The following SLC9A9 variants were observed in gnomAD, a reference collection of about 807,000 sequenced individuals.
SLC9A9 encodes the protein sodium/hydrogen exchanger 9.
SLC9A9 carries 62 observed loss-of-function variants against 77.8 expected under a neutral mutation model. The observed-to-expected ratio is 0.80, with a 90% CI of 0.65 to 0.98. SLC9A9 has a LOEUF of 0.98. Ranked by LOEUF, SLC9A9 falls within the 50% of genes least tolerant of loss-of-function variation. The pLI is 0.00. For missense variants in SLC9A9, 775 were observed against 774.9 expected, an observed-to-expected ratio of 1.00 and a Z score of 0.00; for synonymous variants, 320 against 283.5, an observed-to-expected ratio of 1.13 and a Z score of -1.29.
intron 1 of SLC9A9, among the ~76,000 whole-genome samples, chr3:143,832,648 C>A (rs1437843864): frequency 6.6e-6 from 1 of 152,026 alleles, no homozygotes; most frequent in Non-Finnish European, 1.5e-5. Flanking sequence ...TTATGTCACA[C>A]CCCATGGTTG....
chr3:143,575,531 CT>C (rs2037343366), intron 7 of SLC9A9, among the ~76,000 whole-genome samples: 2 of 152,044 alleles, frequency 1.3e-5, no homozygotes, highest in Non-Finnish European at 1.5e-5. Context: ...GGTAAAACAT[CT>C]TTTTGGGAAA....
intron 4 of SLC9A9, among the ~76,000 whole-genome samples, chr3:143,736,418 A>C (rs1274819379): frequency 3.9e-5 from 6 of 152,230 alleles, no homozygotes; most frequent in Admixed American, 1.3e-4. Flanking sequence ...TCGGCTACAT[A>C]GCAGTCACTA....
At chr3:143,597,855 A>G (rs970095062) in intron 6 of SLC9A9, among the ~76,000 whole-genome samples, 1 of 152,234 alleles carries the variant, frequency 6.6e-6, no homozygotes, top group East Asian at 1.9e-4. Flanking sequence ...AAAGGTGCAG[A>G]AAACTGGCTT....
chr3:143,301,856 C>CA (rs1313923659), intron 14 of SLC9A9, among the ~76,000 whole-genome samples: 3 of 152,140 alleles, frequency 2.0e-5, no homozygotes, highest in Non-Finnish European at 2.9e-5. Flanking sequence ...TTCTGGTGTG[C>CA]AAAATACTAG....
intron 6 of SLC9A9, among the ~76,000 whole-genome samples, chr3:143,611,083 G>A (rs1489388957): frequency 6.6e-6 from 1 of 152,164 alleles, no homozygotes; most frequent in East Asian, 1.9e-4. Flanking sequence ...TTGCATTCAT[G>A]TAAGGGCATA....
intron 12 of SLC9A9, among the ~76,000 whole-genome samples, chr3:143,402,320 GA>G (rs1406424982): frequency 1.3e-5 from 2 of 152,118 alleles, no homozygotes; most frequent in East Asian, 3.8e-4. Context: ...GAAATTATTG[GA>G]ATATACTTAT....
rs761372851 is a variant in SLC9A9 at position 143,467,126 on chromosome 3, C to T, written c.1380G>A (p.Met460Ile). The change falls in exon 12 of 16, where the codon ATG becomes ATA. Residue 460 changes from methionine (M) to isoleucine (I), a missense_variant. By Grantham distance (10) the Met-to-Ile change is conservative (BLOSUM62 1). Coordinates refer to ENST00000316549, the MANE Select transcript of SLC9A9 (RefSeq NM_173653.4). Reference sequence around the variant, plus strand: ...CGAGGAGCAGCGTAGTGGTAAACATCATTTGTTTGGGCTGAGATTCTGTGT... The same window carrying T: ...CGAGGAGCAGCGTAGTGGTAAACATTATTTGTTTGGGCTGAGATTCTGTGT... ...IRNTESQPKQ[M>I]MFTTTLLLVF... 6.2e-7 allele frequency: 1 copy of T among 1,614,178 alleles called. No homozygotes were observed. Among genetic ancestry groups the T allele is most frequent in the South Asian group, 1.1e-5 (1 of 91,080 alleles).
rs1937703843 is a variant in SLC9A9 at position 143,266,062 on chromosome 3, C to G, written c.*640G>C. 1 of 702,298 alleles carries G rather than the reference C, an allele frequency of 1.4e-6. No homozygotes were observed. The highest frequency in any genetic ancestry group is 1.7e-5 in the African/African-American group (1 of 57,222). The allele number at this position is 702,298 out of a possible 1,614,324, so 43.5% of individuals were successfully genotyped here. Reference sequence around the variant, plus strand: ...AGGGCAGGGCACACCCAGCCATAGGCAACCCCTTTGAGCGATGGGAGAAGT... The same window carrying G: ...AGGGCAGGGCACACCCAGCCATAGGGAACCCCTTTGAGCGATGGGAGAAGT... On this transcript the variant is annotated 3_prime_UTR_variant, in exon 16 of 16. Coordinates refer to ENST00000316549, the MANE Select transcript of SLC9A9 (RefSeq NM_173653.4).
intron 4 of SLC9A9, among the ~76,000 whole-genome samples, chr3:143,781,244 G>C (rs1032592261): frequency 6.6e-6 from 1 of 152,162 alleles, no homozygotes; most frequent in Admixed American, 6.6e-5. Flanking sequence ...TATTCTATAA[G>C]AGTCTATTCT....
At chr3:143,438,423 CGT>C (rs145312416) in intron 12 of SLC9A9, among the ~76,000 whole-genome samples, 5 of 151,758 alleles carry the variant, frequency 3.3e-5, no homozygotes, top group African/African-American at 1.2e-4. Context: ...ATCTCCCTGG[CGT>C]GTGTGTGTGT....
At chr3:143,605,323 A>G (rs1247936543) in intron 6 of SLC9A9, among the ~76,000 whole-genome samples, 2 of 152,134 alleles carry the variant, frequency 1.3e-5, no homozygotes, top group Non-Finnish European at 2.9e-5. Flanking sequence ...AATCTTTAGA[A>G]CAGAAGTTGC....
chr3:143,320,883 G>A (rs574306852), intron 14 of SLC9A9, among the ~76,000 whole-genome samples: 1 of 152,108 alleles, frequency 6.6e-6, no homozygotes, highest in Non-Finnish European at 1.5e-5. Context: ...TATAACTGGG[G>A]CCTTTAAAAG....
chr3:143,822,250 A>G (rs1204718356), intron 2 of SLC9A9, among the ~76,000 whole-genome samples: 1 of 152,128 alleles, frequency 6.6e-6, no homozygotes, highest in Admixed American at 6.5e-5. Flanking sequence ...AAAGGTGTCA[A>G]TCTCAAGGGC....
At chr3:143,402,000 C>A (rs372157799) in intron 12 of SLC9A9, among the ~76,000 whole-genome samples, 7 of 152,214 alleles carry the variant, frequency 4.6e-5, no homozygotes, top group African/African-American at 1.7e-4. Flanking sequence ...TTCTACTGGC[C>A]TTCCTGATGA....
intron 4 of SLC9A9, among the ~76,000 whole-genome samples, chr3:143,712,367 G>A (rs1217819557): frequency 6.6e-6 from 1 of 152,198 alleles, no homozygotes; most frequent in Non-Finnish European, 1.5e-5. Context: ...CAGAGGAAGA[G>A]GAAAGAATTA....
Position 143,742,918 on chromosome 3 carries a change from A to G in SLC9A9, c.534-49611T>C, listed in dbSNP as rs182387680. On this transcript the variant is annotated intron_variant, in intron 4 of 15. Coordinates refer to ENST00000316549, the MANE Select transcript of SLC9A9 (RefSeq NM_173653.4). ...CTAAAACTGTTCTAAAACATAAAAT[A>G]TATTATTTAAAAATTAAAATAAATG... Among the ~76,000 whole-genome samples, 168 of 152,250 alleles carry G rather than the reference A, an allele frequency of 1.1e-3. 1 individual carries two copies. The highest frequency in any genetic ancestry group is 3.5e-3 in the South Asian group (17 of 4,824).
chr3:143,848,068 G>T, intron 1 of SLC9A9, 80 bp downstream of exon 1: 1 of 1,311,536 alleles, frequency 7.6e-7, no homozygotes, highest in Non-Finnish European at 1.1e-6. Context: ...TCCAGTTTCG[G>T]TACTTTGCTA....
At chr3:143,339,513 CTTT>C (rs35012804) in intron 14 of SLC9A9, among the ~76,000 whole-genome samples, 1,380 of 113,954 alleles carry the variant, frequency 0.012, 63 homozygotes, top group East Asian at 0.082. Context: ...CTGCTATCTT[CTTT>C]ATGTTACATT....
rs146536016 is a variant in SLC9A9, at chr3:143,665,184, C to T, written c.650-12824G>A. Among the ~76,000 whole-genome samples, 641 of 152,324 alleles carry T rather than the reference C, an allele frequency of 4.2e-3. 2 individuals carry two copies. Among genetic ancestry groups the T allele is most frequent in the African/African-American group, 0.012 (516 of 41,556 alleles). On this transcript the variant is annotated intron_variant, in intron 5 of 15. Transcript: ENST00000316549. ...TTAGAACTCAGGATTAAGAAACTCA[C>T]TCAAAACCGCTCAACTACATGGAAA... is the stretch of plus-strand genomic sequence containing the variant.
Sources: allele counts gnomAD v4.1 joint callset (sites outside exome capture counted in the v4.1 genomes callset), GRCh38; gene constraint gnomAD v4.1.1; transcripts MANE v1.5; gene names NCBI Gene and HGNC (gene_info 2026-07-23, HGNC 2026-07-21).